Variants in IGSF10 observed in about 807,000 individuals in gnomAD.
IGSF10 encodes calvaria mechanical force protein 608.
IGSF10 carries 126 observed loss-of-function variants against 128.2 expected under a neutral mutation model. That is an observed-to-expected ratio of 0.98 (90% CI 0.85 to 1.14). The LOEUF is 1.14. Among genes scored for constraint, IGSF10 ranks in the 50% most tolerant of loss-of-function variants. The probability of loss-of-function intolerance (pLI) is 0.00; values close to 1 mark genes in which losing one functional copy is unlikely to be tolerated. For missense variants in IGSF10, 3,295 were observed against 3,149.8 expected (o/e 1.05, Z -1.10); for synonymous variants, 1,185 against 1,146.2 (o/e 1.03, Z -0.68).
the IGSF10 span, among the ~76,000 whole-genome samples, chr3:151,469,197 A>G: frequency 1.3e-5 from 2 of 152,324 alleles, no homozygotes; most frequent in East Asian, 3.9e-4. Flanking sequence ...TGCAATGAAC[A>G]TATGCATGCA....
At chr3:151,614,243 C>A in the IGSF10 span, among the ~76,000 whole-genome samples, 1 of 152,176 alleles carries the variant, frequency 6.6e-6, no homozygotes, top group Admixed American at 6.5e-5. Context: ...CTAGTTCAAT[C>A]ACTGTGGAAG....
chr3:151,614,484 T>C, the IGSF10 span, among the ~76,000 whole-genome samples: 1 of 152,214 alleles, frequency 6.6e-6, no homozygotes, highest in Admixed American at 6.5e-5. Context: ...TGGGATACTA[T>C]GCAGCCATAA....
At chr3:151,482,575 A>T in the IGSF10 span, among the ~76,000 whole-genome samples, 1 of 152,210 alleles carries the variant, frequency 6.6e-6, no homozygotes, top group East Asian at 1.9e-4. Flanking sequence ...AAATATTCAG[A>T]TTATAGGGAT....
the IGSF10 span, among the ~76,000 whole-genome samples, chr3:151,501,641 T>C: frequency 0.31 from 47,783 of 151,840 alleles, 8,138 homozygotes; most frequent in Middle Eastern, 0.42. Context: ...TTGGCCAAAA[T>C]GTGTGAAATG....
chr3:151,450,037 G>C (rs6804516), intron 5 of IGSF10, among the ~76,000 whole-genome samples: 1 of 152,196 alleles, frequency 6.6e-6, no homozygotes, highest in Non-Finnish European at 1.5e-5. Context: ...AGAACATTTT[G>C]CCAAGGCAGT....
chr3:151,508,496 T>C, the IGSF10 span, among the ~76,000 whole-genome samples: 5 of 152,228 alleles, frequency 3.3e-5, no homozygotes, highest in East Asian at 7.7e-4. Context: ...CTGTCTTAGG[T>C]CTTTTGATTG....
chr3:151,474,718 AAG>A, the IGSF10 span, among the ~76,000 whole-genome samples: 5 of 152,238 alleles, frequency 3.3e-5, no homozygotes, highest in African/African-American at 9.6e-5. Context: ...TTACAGAAGA[AAG>A]AGGTTTAATT....
the IGSF10 span, among the ~76,000 whole-genome samples, chr3:151,556,090 C>G: frequency 6.6e-6 from 1 of 152,186 alleles, no homozygotes; most frequent in Non-Finnish European, 1.5e-5. Flanking sequence ...TCTAGGGCTA[C>G]AGAGGCCCCG....
the IGSF10 span, among the ~76,000 whole-genome samples, chr3:151,546,833 C>G: frequency 4.6e-5 from 7 of 152,096 alleles, no homozygotes; most frequent in African/African-American, 1.7e-4. Flanking sequence ...CGCAATGGTG[C>G]AATCTCGGCT....
rs1181809914 is a variant in IGSF10, at chr3:151,453,838, C to T, written c.325-64G>A. 12 of 963,594 alleles carry T rather than the reference C, an allele frequency of 1.2e-5. No homozygotes were observed. In the East Asian group the frequency reaches 2.4e-4, roughly 20 times the overall value. The allele number at this position is 963,594 out of a possible 1,614,324, so 59.7% of individuals were successfully genotyped here. ...GGAATTTTCACAAGAGGGAAAAGTC[C>T]TATCAATAACAAAACTTATGTTGAA... On this transcript the variant is annotated intron_variant, in intron 4 of 7. Coordinates refer to ENST00000282466, the MANE Select transcript of IGSF10 (RefSeq NM_178822.5).
At chr3:151,510,622 T>C in the IGSF10 span, among the ~76,000 whole-genome samples, 1 of 152,112 alleles carries the variant, frequency 6.6e-6, no homozygotes, top group Non-Finnish European at 1.5e-5. Context: ...GAGAATGACT[T>C]TGACGAGTTG....
the IGSF10 span, among the ~76,000 whole-genome samples, chr3:151,481,779 T>G: frequency 1.3e-5 from 2 of 151,998 alleles, no homozygotes; most frequent in Non-Finnish European, 2.9e-5. Flanking sequence ...CCAACAGAGA[T>G]CCCCTCAACT....
the IGSF10 span, among the ~76,000 whole-genome samples, chr3:151,575,757 T>C: frequency 1.3e-5 from 2 of 152,192 alleles, no homozygotes; most frequent in African/African-American, 4.8e-5. Flanking sequence ...CCCAATGAGA[T>C]GAACCAGGTA....
the IGSF10 span, among the ~76,000 whole-genome samples, chr3:151,578,985 G>A: frequency 6.6e-6 from 1 of 152,186 alleles, no homozygotes; most frequent in South Asian, 2.1e-4. Flanking sequence ...AATAAGTTGT[G>A]TCAGTCTATC....
chr3:151,617,994 C>A, the IGSF10 span, among the ~76,000 whole-genome samples: 1 of 152,150 alleles, frequency 6.6e-6, no homozygotes, highest in African/African-American at 2.4e-5. Context: ...AATAAATAGA[C>A]ATGTCTGTTA....
downstream of IGSF10, chr3:151,432,941 CAAA>C (rs35536198): frequency 8.1e-3 from 3,762 of 464,756 alleles, 16 homozygotes; most frequent in African/African-American, 0.022. Flanking sequence ...CTACATCTCA[CAAA>C]AAAAAAAAAA....
At chr3:151,438,650 CTG>C in intron 7 of IGSF10, 53 bp from the exon 8 acceptor site, 5 of 1,428,034 alleles carry the variant, frequency 3.5e-6, no homozygotes, top group South Asian at 1.3e-5. Flanking sequence ...ATGAGGGAAA[CTG>C]TTTTACTCAG....
chr3:151,556,629 T>C, the IGSF10 span, among the ~76,000 whole-genome samples: 1 of 152,026 alleles, frequency 6.6e-6, no homozygotes, highest in Non-Finnish European at 1.5e-5. Flanking sequence ...ATGGAATGTG[T>C]TTCAAAGAAA....
chr3:151,457,000 C>G, intron 4 of IGSF10, 26 bp downstream of exon 4: 1 of 1,613,742 alleles, frequency 6.2e-7, no homozygotes, highest in East Asian at 2.2e-5. Flanking sequence ...CCTCTTTAAC[C>G]TGCCCCCTCT....
Sources: allele counts gnomAD v4.1 joint callset (sites outside exome capture counted in the v4.1 genomes callset), GRCh38; gene constraint gnomAD v4.1.1; transcripts MANE v1.5; gene names NCBI Gene and HGNC (gene_info 2026-07-23, HGNC 2026-07-21).